LRRK1: variants seen among roughly 807,000 people sequenced by gnomAD.
LRRK1 encodes leucine rich repeat kinase 1, also known as leucine-rich repeat serine/threonine-protein kinase 1.
A neutral mutation model predicts 209.1 loss-of-function variants in LRRK1; 113 were observed. The observed-to-expected ratio is 0.54, with a 90% CI of 0.46 to 0.63. The LOEUF (loss-of-function observed/expected upper bound fraction) is 0.63, where lower values mean the gene tolerates loss of function less well. LRRK1 is among the 30% of genes least tolerant of loss of function. The pLI is 0.00. For synonymous variants in LRRK1, 1,144 were observed against 1,099.7 expected, an observed-to-expected ratio of 1.04 and a Z score of -0.80; for missense variants, 2,284 against 2,632.2, an observed-to-expected ratio of 0.87 and a Z score of 2.89.
chr15:100,921,834 C>T (rs1032293492), intron 1 of LRRK1, among the ~76,000 whole-genome samples: 2 of 152,166 alleles, frequency 1.3e-5, no homozygotes, highest in African/African-American at 2.4e-5. Flanking sequence ...TCTCATGCCT[C>T]GGCCTCCCAA....
chr15:101,013,248 TG>T (rs1421850409), intron 10 of LRRK1, among the ~76,000 whole-genome samples: 1 of 152,146 alleles, frequency 6.6e-6, no homozygotes, highest in Non-Finnish European at 1.5e-5. Flanking sequence ...GCAGCGGTTC[TG>T]ATGGTGGGCG....
chr15:100,964,579 T>G (rs1244855168), intron 2 of LRRK1, among the ~76,000 whole-genome samples: 1 of 152,250 alleles, frequency 6.6e-6, no homozygotes, highest in East Asian at 1.9e-4. Flanking sequence ...TTGTTTGTTC[T>G]GCAATGAGCT....
intron 12 of LRRK1, among the ~76,000 whole-genome samples, chr15:101,020,299 G>A (rs59609022): frequency 0.13 from 19,514 of 151,228 alleles, 1,997 homozygotes; most frequent in African/African-American, 0.28. Flanking sequence ...CATGGTATGC[G>A]TGTGTGTGCA....
chr15:101,061,388 A>G (rs2036171770), intron 30 of LRRK1, 100 bp downstream of exon 30: 1 of 776,902 alleles, frequency 1.3e-6, no homozygotes, highest in African/African-American at 1.7e-5. Context: ...ACGCCAGGTC[A>G]AGTGAACTTT....
chr15:100,937,844 C>A (rs1015147459), intron 2 of LRRK1, among the ~76,000 whole-genome samples: 2 of 151,140 alleles, frequency 1.3e-5, no homozygotes, highest in South Asian at 4.2e-4. Context: ...CTATTTATTT[C>A]TTTATTTATT....
At chr15:100,980,289 A>T (rs1178593807) in intron 3 of LRRK1, among the ~76,000 whole-genome samples, 5 of 76,970 alleles carry the variant, frequency 6.5e-5, no homozygotes, top group African/African-American at 1.2e-4. Flanking sequence ...ATGCTGATTT[A>T]AAAAAAAAAA....
chr15:101,052,892 GA>G, intron 24 of LRRK1, 29 bp from the exon 25 acceptor site: 1 of 1,596,122 alleles, frequency 6.3e-7, no homozygotes, highest in Non-Finnish European at 8.6e-7. Flanking sequence ...GGGCGGGGGG[GA>G]TGTGGCTGAT....
At chr15:100,930,870 A>G (rs558812483) in intron 2 of LRRK1, among the ~76,000 whole-genome samples, 7 of 152,070 alleles carry the variant, frequency 4.6e-5, no homozygotes, top group Admixed American at 6.5e-5. Context: ...CCCTCCCACC[A>G]CTCCCAATGC....
chr15:101,008,142 CAAAAAAAAAAAAAAAAAA>C (rs796213769), intron 6 of LRRK1, among the ~76,000 whole-genome samples: 34 of 74,158 alleles, frequency 4.6e-4, no homozygotes, highest in African/African-American at 1.4e-3. Flanking sequence ...GACTCCATCT[CAAAAAAAAAAAAAAAAAA>C]AAAAAAAAAA....
In LRRK1 at chr15:100,989,376, C is replaced by G; in HGVS notation, c.740C>G (p.Pro247Arg). The G allele has an allele frequency of 6.2e-7, 1 of 1,614,192 alleles. No individual in the cohort carries two copies. The highest frequency in any genetic ancestry group is 1.7e-4 in the Middle Eastern group (1 of 6,030). ...RKYFIEASPL[P>R]SSYPGKTALR... ...TACTTCATTGAAGCCAGTCCCTTGC[C>G]CAGCAGTTATCCGGGAAAAACAGTG... The change falls in exon 6 of 34, where the codon CCC becomes CGC. Residue 247 changes from proline (P) to arginine (R), a missense_variant. Pro to Arg is a moderately radical substitution (Grantham distance 103). Coordinates refer to ENST00000388948, the MANE Select transcript of LRRK1 (RefSeq NM_024652.6).
intron 25 of LRRK1, 63 bp from the exon 26 acceptor site, chr15:101,053,160 A>G: frequency 6.3e-7 from 1 of 1,590,948 alleles, no homozygotes; most frequent in South Asian, 1.1e-5. Flanking sequence ...GTGCGGCCTT[A>G]GAGAGGCCTG....
In LRRK1 at chr15:101,061,258, G is replaced by A. The variant is rs1303538794; in HGVS notation, c.4767G>A (p.Gln1589=). The A allele has an allele frequency of 4.3e-6, 7 of 1,613,936 alleles. No homozygotes were observed. In the African/African-American group the frequency reaches 9.3e-5, roughly 22 times the overall value. The change falls in exon 30 of 34, where the codon CAG becomes CAA. Residue 1589 remains glutamine (Q), a synonymous_variant. Transcript: ENST00000388948. ...GGATGAAGGTGAGCTGCCAGCTCCA[G>A]GTCCAGAGATCCCTGTGGACAGCCA... ...CPGMKVSCQL[Q]VQRSLWTATE... is the part of the protein sequence containing the mutation.
chr15:101,066,469 C>T (rs1352615084), intron 32 of LRRK1, among the ~76,000 whole-genome samples, 171 bp from the exon 33 acceptor site: 1 of 152,266 alleles, frequency 6.6e-6, no homozygotes, highest in African/African-American at 2.4e-5. Context: ...TCAGTTTCCA[C>T]TGAGAAAATT....
rs749305355 is a variant in LRRK1 at position 101,057,060 on chromosome 15, GACACA to G, written c.4527+11_4527+15del. 11 of 1,591,392 alleles carry G rather than the reference GACACA, an allele frequency of 6.9e-6. No homozygotes were observed. The highest frequency in any genetic ancestry group is 9.4e-6 in the Non-Finnish European group (11 of 1,167,490). ...CACTAAGCCAGAGAAGGTACTTGGG[GACACA>G]GAGCCCAGGGCCTGGGACCTCCTGC... On this transcript the variant is annotated intron_variant, in intron 28 of 33. Transcript: ENST00000388948.
chr15:101,064,695 T>G, intron 31 of LRRK1: 1 of 151,594 alleles, frequency 6.6e-6, no homozygotes, highest in Non-Finnish European at 1.5e-5. Context: ...AGAAGAGGGT[T>G]GAGTAGGAAG....
At chr15:100,961,315 A>G (rs2029925114) in intron 2 of LRRK1, among the ~76,000 whole-genome samples, 1 of 152,210 alleles carries the variant, frequency 6.6e-6, no homozygotes, top group Admixed American at 6.5e-5. Context: ...TACCATTACA[A>G]TGGGGATTAA....
intron 20 of LRRK1, among the ~76,000 whole-genome samples, chr15:101,042,317 T>G (rs535222163): frequency 0.019 from 499 of 25,858 alleles, 2 homozygotes; most frequent in African/African-American, 0.078. Context: ...GGGTCATTTT[T>G]CTGTCAGTCT....
chr15:101,038,649 C>T (rs2034599678), intron 20 of LRRK1, among the ~76,000 whole-genome samples: 1 of 152,190 alleles, frequency 6.6e-6, no homozygotes, highest in Non-Finnish European at 1.5e-5. Flanking sequence ...CTTGTCCTTC[C>T]TTGCCTTAGG....
In LRRK1 at chr15:100,973,762, A is replaced by G. The variant is rs2031108243; in HGVS notation, c.98-42A>G. 2.4e-6 allele frequency: 3 copies of G among 1,259,388 alleles called. No individual in the cohort carries two copies. In the East Asian group the frequency reaches 9.5e-5, roughly 40 times the overall value. 78.0% of individuals were successfully genotyped at this position (1,259,388 alleles called of 1,614,324 possible). On this transcript the variant is annotated intron_variant, in intron 2 of 33. Coordinates refer to ENST00000388948, the MANE Select transcript of LRRK1 (RefSeq NM_024652.6). ...CGGTGATTCTCAAGAGCACGCGGGCAGTGGGCGGTGACGCCGTGTGTGTGT... is the reference window on the plus strand; with the variant it reads ...CGGTGATTCTCAAGAGCACGCGGGCGGTGGGCGGTGACGCCGTGTGTGTGT...
Sources: gnomAD v4.1 joint callset for allele counts (sites outside exome capture counted in the v4.1 genomes callset) on GRCh38, gnomAD v4.1.1 for gene constraint, MANE v1.5 for transcripts, NCBI Gene and HGNC (gene_info 2026-07-23, HGNC 2026-07-21) for gene names.